Variants in COL5A2 observed in about 807,000 individuals in gnomAD.
COL5A2 encodes the protein collagen type V alpha 2 chain.
In COL5A2, 23 loss-of-function variants were observed where a neutral mutation model predicts 208.2. The ratio of observed to expected loss-of-function variants is 0.11; its 90% CI spans 0.08 to 0.16. COL5A2 has a LOEUF of 0.16. Ranked by LOEUF, COL5A2 falls within the 10% of genes least tolerant of loss-of-function variation. COL5A2 has a pLI of 1.00. For synonymous variants in COL5A2, 625 were observed against 628.5 expected (o/e 0.99, Z 0.08); for missense variants, 1,590 against 1,956.4 (o/e 0.81, Z 3.53).
intron 2 of COL5A2, among the ~76,000 whole-genome samples, chr2:189,106,430 A>T (rs1687149711): frequency 6.6e-6 from 1 of 151,346 alleles, no homozygotes; most frequent in Admixed American, 6.6e-5. Flanking sequence ...TAAACCTATT[A>T]ATTTCTGCTT....
chr2:189,327,743 T>C, the COL5A2 span, among the ~76,000 whole-genome samples: 1 of 152,212 alleles, frequency 6.6e-6, no homozygotes, highest in Admixed American at 6.5e-5. Flanking sequence ...CATGATCAGT[T>C]ATTTTCAGGT....
In COL5A2 at chr2:189,033,460, A is replaced by G. The variant is rs1327353406; in HGVS notation, c.*610T>C. 1 of 152,732 alleles carries G rather than the reference A, an allele frequency of 6.5e-6. No homozygotes were observed. Among genetic ancestry groups the G allele is most frequent in the Admixed American group, 6.5e-5 (1 of 15,306 alleles). The allele number at this position is 152,732 out of a possible 1,614,324, so 9.5% of individuals were successfully genotyped here. A position where few individuals can be genotyped will look rare whatever the true frequency, so the allele number is the denominator to read the frequency against. On this transcript the variant is annotated 3_prime_UTR_variant, in exon 54 of 54. Transcript: ENST00000374866. ...TGAATATATACTATTTAAAAATTCT[A>G]TTTAAGACAGTGAGAAACGTTTTTT...
chr2:189,440,964 A>G, the COL5A2 span, among the ~76,000 whole-genome samples: 1 of 152,222 alleles, frequency 6.6e-6, no homozygotes, highest in East Asian at 1.9e-4. Flanking sequence ...CGATGTTCAC[A>G]AGAACAGAAG....
chr2:189,154,869 G>T (rs554288813), intron 1 of COL5A2, among the ~76,000 whole-genome samples: 1 of 152,070 alleles, frequency 6.6e-6, no homozygotes, highest in African/African-American at 2.4e-5. Flanking sequence ...CATAAAACTC[G>T]AAATAAAATT....
the COL5A2 span, among the ~76,000 whole-genome samples, chr2:189,396,616 G>A: frequency 2.0e-5 from 3 of 147,002 alleles, no homozygotes; most frequent in Admixed American, 7.0e-5. Context: ...GGAGCTTGCA[G>A]TGAGCAGAGC....
At chr2:189,057,141 G>T in intron 34 of COL5A2, 115 bp from the exon 35 acceptor site, 2 of 1,223,234 alleles carry the variant, frequency 1.6e-6, no homozygotes, top group Non-Finnish European at 2.4e-6. Context: ...ATCCAGGTGA[G>T]CCTGGGATGG....
intron 1 of COL5A2, among the ~76,000 whole-genome samples, chr2:189,145,706 T>C (rs1293490020): frequency 6.6e-6 from 1 of 152,086 alleles, no homozygotes. Flanking sequence ...TACATACTTT[T>C]CTAAGCTACT....
intron 4 of COL5A2, 72 bp from the exon 5 acceptor site, chr2:189,098,831 T>C (rs988253593): frequency 9.0e-7 from 1 of 1,112,566 alleles, no homozygotes; most frequent in Non-Finnish European, 1.4e-6. Flanking sequence ...TAGTAACAAA[T>C]AAGAATAACA....
At chr2:189,085,276 T>TTCAAAACATTATTGAGACAAATGAAATG (rs1248928848) in intron 10 of COL5A2, 63 bp from the exon 11 acceptor site, 1 of 1,269,882 alleles carries the variant, frequency 7.9e-7, no homozygotes, top group Non-Finnish European at 1.1e-6. Context: ...AGTAATACAA[T>TTCAAAACATTATTGAGACAAATGAAATG]TCAAAACATT....
At chr2:189,245,727 GCC>G in the COL5A2 span, among the ~76,000 whole-genome samples, 1 of 152,064 alleles carries the variant, frequency 6.6e-6, no homozygotes, top group Non-Finnish European at 1.5e-5. Flanking sequence ...GCCCACCTCG[GCC>G]TCCCAAAGTG....
rs56310996 is a variant in COL5A2 at position 189,083,970 on chromosome 2, G to A, written c.852+14C>T. 228,179 of 1,594,382 alleles carry A rather than the reference G, an allele frequency of 0.14. 17,145 individuals are homozygous for A. Among genetic ancestry groups the A allele is most frequent in the Middle Eastern group, 0.24 (1,460 of 6,022 alleles). ...ATTTTTCAAAGTTTGCCTTTATGTT[G>A]AGTATAAACTTACCGGAGATCCTGC... is the stretch of plus-strand genomic sequence containing the variant. On this transcript the variant is annotated intron_variant, in intron 12 of 53. Coordinates refer to ENST00000374866, the MANE Select transcript of COL5A2 (RefSeq NM_000393.5).
chr2:189,150,089 C>T (rs1348189140), intron 1 of COL5A2, among the ~76,000 whole-genome samples: 1 of 152,084 alleles, frequency 6.6e-6, no homozygotes, highest in African/African-American at 2.4e-5. Flanking sequence ...TGTATGAGGT[C>T]AATATGGAAA....
chr2:189,227,670 T>C (rs555603906), upstream of COL5A2, among the ~76,000 whole-genome samples: 8 of 152,140 alleles, frequency 5.3e-5, no homozygotes, highest in Non-Finnish European at 1.0e-4. Flanking sequence ...GATATAATTA[T>C]AAATATATAT....
intron 1 of COL5A2, among the ~76,000 whole-genome samples, chr2:189,178,237 CAG>C (rs1559138347): frequency 6.6e-6 from 1 of 152,102 alleles, no homozygotes; most frequent in Non-Finnish European, 1.5e-5. Flanking sequence ...GGACTCCTGA[CAG>C]ATTGTTGGAT....
chr2:189,248,821 C>T, the COL5A2 span, among the ~76,000 whole-genome samples: 41 of 152,100 alleles, frequency 2.7e-4, no homozygotes, highest in East Asian at 1.7e-3. Flanking sequence ...GTTTCTGGAA[C>T]TATCTGGCCA....
intron 1 of COL5A2, among the ~76,000 whole-genome samples, chr2:189,200,012 C>T (rs190796274): frequency 6.6e-5 from 10 of 152,294 alleles, no homozygotes; most frequent in African/African-American, 1.9e-4. Flanking sequence ...TCTCCCAATC[C>T]TCTCTTGCCA....
At chr2:189,268,142 T>C in the COL5A2 span, among the ~76,000 whole-genome samples, 1 of 152,176 alleles carries the variant, frequency 6.6e-6, no homozygotes, top group Admixed American at 6.6e-5. Context: ...TGAGTCACAG[T>C]ACTTTTGAAA....
intron 1 of COL5A2, among the ~76,000 whole-genome samples, chr2:189,201,469 T>A (rs1437600472): frequency 1.3e-5 from 2 of 151,732 alleles, no homozygotes; most frequent in African/African-American, 4.8e-5. Flanking sequence ...CAAGAAGTAA[T>A]AGAGATTAGA....
At chr2:189,435,474 T>G in the COL5A2 span, among the ~76,000 whole-genome samples, 1 of 151,624 alleles carries the variant, frequency 6.6e-6, no homozygotes, top group African/African-American at 2.4e-5. Context: ...TCAAACAAAT[T>G]TACAAGAAAA....
Sources: gnomAD v4.1 joint callset for allele counts (sites outside exome capture counted in the v4.1 genomes callset) on GRCh38, gnomAD v4.1.1 for gene constraint, MANE v1.5 for transcripts, NCBI Gene and HGNC (gene_info 2026-07-23, HGNC 2026-07-21) for gene names.